Variants in CHODL observed in about 807,000 individuals in gnomAD.
CHODL encodes the protein chondrolectin.
In CHODL, 29 loss-of-function variants were observed where a neutral mutation model predicts 34.5. The observed-to-expected ratio is 0.84, with a 90% confidence interval of 0.63 to 1.15. The LOEUF (loss-of-function observed/expected upper bound fraction) is 1.15, where lower values mean the gene tolerates loss of function less well. CHODL is among the 50% of genes most tolerant of loss of function. CHODL has a pLI of 0.00. For synonymous variants in CHODL, 125 were observed against 116.1 expected (o/e 1.08, Z -0.49); for missense variants, 332 against 332.5 (o/e 1.00, Z 0.01).
intron 1 of CHODL, among the ~76,000 whole-genome samples, chr21:17,984,190 T>C (rs969474054): frequency 2.0e-5 from 3 of 152,216 alleles, no homozygotes; most frequent in Non-Finnish European, 2.9e-5. Context: ...TCATTTAGCA[T>C]AGTGGTCTTC....
At chr21:18,128,248 C>G (rs2072601850) in intron 2 of CHODL, among the ~76,000 whole-genome samples, 1 of 120,188 alleles carries the variant, frequency 8.3e-6, no homozygotes, top group South Asian at 2.8e-4. Flanking sequence ...TTGCAGTGAG[C>G]CCAGATCGCG....
chr21:18,119,032 C>A (rs1337460321), intron 2 of CHODL, among the ~76,000 whole-genome samples: 1 of 151,988 alleles, frequency 6.6e-6, no homozygotes, highest in South Asian at 2.1e-4. Flanking sequence ...TATGATATAT[C>A]CTTTTATTTT....
chr21:18,048,028 A>G (rs2064466348), intron 2 of CHODL, among the ~76,000 whole-genome samples: 1 of 151,902 alleles, frequency 6.6e-6, no homozygotes, highest in Non-Finnish European at 1.5e-5. Context: ...TTACCCATTC[A>G]GGACTTGTCG....
At position 18,232,941 on chromosome 21, in the gene CHODL, T is replaced by TTTTATATATATATATA. The variant is rs752640406; in HGVS notation, c.-44-23568_-44-23567insTTTATATATATATATA. 3.8e-3 allele frequency among the ~76,000 whole-genome samples: 370 copies of TTTTATATATATATATA among 97,536 alleles called. 7 individuals are homozygous for TTTTATATATATATATA. The highest frequency in any genetic ancestry group is 0.017 in the South Asian group (51 of 3,046). 64.0% of individuals were successfully genotyped at this position (97,536 alleles called of 152,430 possible). A position where few individuals can be genotyped will look rare whatever the true frequency, so the allele number is the denominator to read the frequency against. On this transcript the variant is annotated intron_variant, in intron 2 of 6. Transcript: ENST00000400127. ...TAATTATGGGGTCCACATGATGTTA[T>TTTTATATATATATATA]GATATATATATATATATATATATAT...
intron 1 of CHODL, among the ~76,000 whole-genome samples, chr21:17,958,638 T>C (rs1317124091): frequency 6.6e-6 from 1 of 152,116 alleles, no homozygotes; most frequent in Non-Finnish European, 1.5e-5. Context: ...AGAAGGAAGA[T>C]TGTAAAACCA....
intron 2 of CHODL, among the ~76,000 whole-genome samples, chr21:18,204,791 T>C (rs2073694326): frequency 6.6e-6 from 1 of 152,164 alleles, no homozygotes; most frequent in Non-Finnish European, 1.5e-5. Context: ...GCCTACTTAA[T>C]GTAATAACAT....
At chr21:17,983,852 A>G (rs1176109725) in intron 1 of CHODL, among the ~76,000 whole-genome samples, 3 of 151,878 alleles carry the variant, frequency 2.0e-5, no homozygotes, top group African/African-American at 7.3e-5. Flanking sequence ...TTAATAAAAT[A>G]GACATGTGCA....
chr21:17,943,806 G>T (rs942766428), intron 1 of CHODL, among the ~76,000 whole-genome samples: 5 of 152,130 alleles, frequency 3.3e-5, no homozygotes, highest in Admixed American at 2.6e-4. Flanking sequence ...AGAGGACTGG[G>T]GCAAGTCACT....
chr21:18,128,545 A>G (rs920519502), intron 2 of CHODL, among the ~76,000 whole-genome samples: 10 of 152,102 alleles, frequency 6.6e-5, no homozygotes, highest in South Asian at 2.1e-4. Flanking sequence ...CAAAGAAAGT[A>G]CAATTGTATA....
At chr21:18,095,594 C>A (rs2065130433) in intron 2 of CHODL, among the ~76,000 whole-genome samples, 1 of 152,142 alleles carries the variant, frequency 6.6e-6, no homozygotes, top group Non-Finnish European at 1.5e-5. Context: ...AAGCTAATAC[C>A]AGTCCTACTC....
intron 2 of CHODL, among the ~76,000 whole-genome samples, chr21:18,126,980 A>G (rs745827483): frequency 3.3e-5 from 5 of 152,194 alleles, no homozygotes; most frequent in Non-Finnish European, 5.9e-5. Context: ...ATGAACTCTC[A>G]CAATGCCACT....
At chr21:18,097,544 T>G (rs753168281) in intron 2 of CHODL, among the ~76,000 whole-genome samples, 1 of 151,978 alleles carries the variant, frequency 6.6e-6, no homozygotes, top group African/African-American at 2.4e-5. Context: ...ATGAAACGTA[T>G]AAAACACTGA....
At chr21:18,119,600 A>G (rs2065455424) in intron 2 of CHODL, among the ~76,000 whole-genome samples, 1 of 152,206 alleles carries the variant, frequency 6.6e-6, no homozygotes, top group Non-Finnish European at 1.5e-5. Context: ...CCAGAGGAAC[A>G]TATGTCTAAG....
intron 2 of CHODL, among the ~76,000 whole-genome samples, chr21:18,160,902 C>T (rs2026861): frequency 0.4 from 61,360 of 151,944 alleles, 12,838 homozygotes; most frequent in African/African-American, 0.52. Flanking sequence ...TTTGAGAAAT[C>T]GCCAAACTGT....
chr21:17,995,568 G>A (rs1600870673), intron 1 of CHODL, among the ~76,000 whole-genome samples: 2 of 152,144 alleles, frequency 1.3e-5, no homozygotes, highest in Non-Finnish European at 2.9e-5. Flanking sequence ...CTTCTTTGTG[G>A]TGGAGGCAAG....
chr21:18,080,360 T>G (rs2064927483), intron 2 of CHODL, among the ~76,000 whole-genome samples: 1 of 152,170 alleles, frequency 6.6e-6, no homozygotes, highest in African/African-American at 2.4e-5. Context: ...TTATCTTCAT[T>G]TTTGTAGCAT....
At chr21:17,995,832 C>T (rs1423476504) in intron 1 of CHODL, among the ~76,000 whole-genome samples, 1 of 152,210 alleles carries the variant, frequency 6.6e-6, no homozygotes, top group Non-Finnish European at 1.5e-5. Flanking sequence ...GGAATCAGTT[C>T]TTTCAACCTC....
chr21:18,199,155 AC>A (rs1347718701), intron 2 of CHODL, among the ~76,000 whole-genome samples: 1 of 152,126 alleles, frequency 6.6e-6, no homozygotes, highest in African/African-American at 2.4e-5. Context: ...TATCATAGTA[AC>A]AGAACTCCAG....
At chr21:18,071,600 C>T (rs1366672618) in intron 2 of CHODL, among the ~76,000 whole-genome samples, 4 of 152,130 alleles carry the variant, frequency 2.6e-5, no homozygotes, top group Admixed American at 6.5e-5. Context: ...ACAATTATTT[C>T]ATTTCAGGCT....
Sources: allele counts gnomAD v4.1 joint callset (sites outside exome capture counted in the v4.1 genomes callset), GRCh38; gene constraint gnomAD v4.1.1; transcripts MANE v1.5; gene names NCBI Gene and HGNC (gene_info 2026-07-23, HGNC 2026-07-21).